Variants in ZNF652 observed in about 807,000 individuals in gnomAD.
ZNF652 encodes zinc finger protein 652.
In ZNF652, 16 loss-of-function variants were observed where a neutral mutation model predicts 45.2. The ratio of observed to expected loss-of-function variants is 0.35; its 90% confidence interval spans 0.24 to 0.54. The LOEUF (loss-of-function observed/expected upper bound fraction) is 0.54. ZNF652 is among the 20% of genes least tolerant of loss of function. The pLI is 0.91. For synonymous variants in ZNF652, 250 were observed against 260.6 expected (o/e 0.96, Z 0.39); for missense variants, 614 against 765.6 (o/e 0.80, Z 2.34).
intron 1 of ZNF652, among the ~76,000 whole-genome samples, chr17:49,326,823 T>C (rs2069960983): frequency 6.6e-6 from 1 of 152,218 alleles, no homozygotes; most frequent in African/African-American, 2.4e-5. Context: ...TGTCAATTTC[T>C]TTCATGGATC....
intron 1 of ZNF652, among the ~76,000 whole-genome samples, chr17:49,357,036 C>T (rs1395425898): frequency 2.0e-5 from 3 of 150,000 alleles, no homozygotes; most frequent in Non-Finnish European, 4.4e-5. Context: ...CAGTGGCTCA[C>T]GCCTGTAATC....
chr17:49,337,584 T>G (rs912665590), intron 1 of ZNF652, among the ~76,000 whole-genome samples: 1 of 152,164 alleles, frequency 6.6e-6, no homozygotes, highest in East Asian at 1.9e-4. Context: ...TCATGAGACA[T>G]CCAGTATATC....
chr17:49,304,339 T>G (rs567070504), intron 5 of ZNF652, among the ~76,000 whole-genome samples: 1 of 152,190 alleles, frequency 6.6e-6, no homozygotes, highest in African/African-American at 2.4e-5. Flanking sequence ...CACTTCTTAA[T>G]GTCCACATTT....
rs2070012582 is a variant in ZNF652, at chr17:49,330,590, C to T, written c.-258-12607G>A. ...TCTTGAACTCCTGGTCTCAGGTGAT[C>T]CACCCGCCTCGGCCTCCCAAAGCGT... is the stretch of plus-strand genomic sequence containing the variant. On this transcript the variant is annotated intron_variant, in intron 1 of 5. Transcript: ENST00000430262. Among the ~76,000 whole-genome samples the T allele has an allele frequency of 5.3e-5, 8 of 151,932 alleles. 1 individual carries two copies. In the South Asian group the frequency reaches 1.7e-3, roughly 32 times the overall value.
intron 5 of ZNF652, 60 bp from the exon 6 acceptor site, chr17:49,298,984 CTTT>C: frequency 1.7e-6 from 2 of 1,203,500 alleles, no homozygotes; most frequent in Middle Eastern, 2.1e-4. Flanking sequence ...TGTGCTCAAG[CTTT>C]TTTTTTTTAA....
At chr17:49,310,408 G>C (rs942085756) in intron 5 of ZNF652, among the ~76,000 whole-genome samples, 2 of 152,224 alleles carry the variant, frequency 1.3e-5, no homozygotes, top group South Asian at 2.1e-4. Context: ...GAGATACAAT[G>C]ATAGTGTTTA....
chr17:49,352,959 G>A (rs2070298084), intron 1 of ZNF652, among the ~76,000 whole-genome samples: 1 of 152,174 alleles, frequency 6.6e-6, no homozygotes, highest in Non-Finnish European at 1.5e-5. Flanking sequence ...TAGTTGCCCA[G>A]GGTGAGGGGA....
chr17:49,313,973 CAAAAAAAAAAAAAAAAAAAAAAAAAAA>C (rs71144595), intron 2 of ZNF652, among the ~76,000 whole-genome samples: 1 of 22,866 alleles, frequency 4.4e-5, no homozygotes, highest in Non-Finnish European at 7.3e-5. Context: ...AACTCCATCT[CAAAAAAAAAAAAAAAAAAAAAAAAAAA>C]AAAAAAAAAA....
intron 2 of ZNF652, among the ~76,000 whole-genome samples, chr17:49,314,831 A>G (rs2069776071): frequency 6.6e-6 from 1 of 152,188 alleles, no homozygotes. Context: ...AAAATGCTCT[A>G]GAAAAGGACA....
At chr17:49,351,012 TATACACAC>T (rs1280062059) in intron 1 of ZNF652, among the ~76,000 whole-genome samples, 23 of 20,278 alleles carry the variant, frequency 1.1e-3, no homozygotes, top group African/African-American at 3.6e-3. Flanking sequence ...TATATATATA[TATACACAC>T]ACACACACAC....
At chr17:49,314,536 T>C (rs2069770971) in intron 2 of ZNF652, among the ~76,000 whole-genome samples, 1 of 152,156 alleles carries the variant, frequency 6.6e-6, no homozygotes. Context: ...CCTTTTCCCT[T>C]ACAGATCAGT....
chr17:49,351,024 C>CGT (rs1567700344), intron 1 of ZNF652, among the ~76,000 whole-genome samples: 22 of 82,144 alleles, frequency 2.7e-4, no homozygotes, highest in East Asian at 9.8e-4. Flanking sequence ...TACACACACA[C>CGT]ACACACACAC....
rs746755255 is a variant in ZNF652 at position 49,298,556 on chromosome 17, G to A, written c.1678C>T (p.His560Tyr). 20 of 1,611,580 alleles carry A rather than the reference G, an allele frequency of 1.2e-5. No individual in the cohort carries two copies. The highest frequency in any genetic ancestry group is 1.7e-6 in the Non-Finnish European group (2 of 1,179,084). Residue 560 changes from histidine to tyrosine, a missense_variant, in exon 6 of 6, where the codon CAC (histidine) becomes TAC (tyrosine). Physicochemically the swap from His to Tyr is moderately conservative, Grantham distance 83 (BLOSUM62 2). Transcript: ENST00000430262. ...LHIHPHPHHP[H>Y]HLPIPPVPHL... is the part of the protein sequence containing the mutation. ...GGGACTGGAGGGATGGGAAGGTGGT[G>A]TGGGTGGTGAGGGTGTGGGTGGATG...
chr17:49,349,335 G>C (rs1194964785), intron 1 of ZNF652, among the ~76,000 whole-genome samples: 1 of 152,062 alleles, frequency 6.6e-6, no homozygotes, highest in African/African-American at 2.4e-5. Flanking sequence ...GGAGGCAGAG[G>C]TTGCAGTGAG....
chr17:49,361,664 G>A (rs1379860521), intron 1 of ZNF652, among the ~76,000 whole-genome samples: 1 of 152,178 alleles, frequency 6.6e-6, no homozygotes, highest in Non-Finnish European at 1.5e-5. Flanking sequence ...CCCGGGTCCA[G>A]GAGGAAGGGG....
At chr17:49,345,109 G>A (rs555978458) in intron 1 of ZNF652, among the ~76,000 whole-genome samples, 10 of 152,200 alleles carry the variant, frequency 6.6e-5, no homozygotes, top group African/African-American at 2.2e-4. Context: ...ACTGCTATGC[G>A]CTCTTCTCCC....
intron 1 of ZNF652, among the ~76,000 whole-genome samples, chr17:49,348,162 A>G (rs1400980232): frequency 1.3e-5 from 2 of 152,152 alleles, no homozygotes; most frequent in Non-Finnish European, 2.9e-5. Flanking sequence ...CAGACTATGG[A>G]AAACTATACA....
Position 49,294,442 on chromosome 17 carries a change from T to A in ZNF652, c.*3971A>T, listed in dbSNP as rs1053962882. ...AAGTTTTTTTTGTGGCGATCTCCCC[T>A]CTTGCTAAAAATAAGAATCCAGTCA... On this transcript the variant is annotated 3_prime_UTR_variant, in exon 6 of 6. Coordinates refer to ENST00000430262, the MANE Select transcript of ZNF652 (RefSeq NM_001145365.3). 6.6e-6 allele frequency: 1 copy of A among 152,144 alleles called. No homozygotes were observed. The highest frequency in any genetic ancestry group is 6.5e-5 in the Admixed American group (1 of 15,278). 9.4% of individuals were successfully genotyped at this position (152,144 alleles called of 1,614,324 possible).
At chr17:49,355,611 T>C (rs1013082852) in intron 1 of ZNF652, among the ~76,000 whole-genome samples, 4 of 144,138 alleles carry the variant, frequency 2.8e-5, no homozygotes, top group African/African-American at 1.0e-4. Context: ...TAAAAATAAT[T>C]AGTAGTGACC....
Sources: allele counts gnomAD v4.1 joint callset (sites outside exome capture counted in the v4.1 genomes callset), GRCh38; gene constraint gnomAD v4.1.1; transcripts MANE v1.5; gene names NCBI Gene and HGNC (gene_info 2026-07-23, HGNC 2026-07-21).